The following FGF12 variants were observed in gnomAD, a reference collection of about 807,000 sequenced individuals.
The protein encoded by FGF12 is fibroblast growth factor 12, also known as fibroblast growth factor 12B.
FGF12 carries 14 observed loss-of-function variants against 23.6 expected under a neutral mutation model. That is an observed-to-expected ratio of 0.59 (90% confidence interval 0.39 to 0.93). The LOEUF is 0.93. FGF12 is among the 40% of genes least tolerant of loss of function. The pLI, the probability that FGF12 is intolerant of heterozygous loss-of-function variation, is 0.00. For missense variants in FGF12, 175 were observed against 217.8 expected (o/e 0.80, Z 1.24); for synonymous variants, 62 against 77.3 (o/e 0.80, Z 1.04).
In FGF12 at chr3:192,305,745, G is replaced by A. The variant is rs187105176; in HGVS notation, c.228+29616C>T. Among the ~76,000 whole-genome samples the A allele has an allele frequency of 2.7e-3, 391 of 146,982 alleles. 7 individuals carry two copies. The highest frequency in any genetic ancestry group is 0.024 in the Admixed American group (357 of 14,702). On this transcript the variant is annotated intron_variant, in intron 4 of 5. Transcript: ENST00000445105. ...ACTGTGTGAAAAGATCTAGAGTTAA[G>A]AGTCTTAGTTTTTGTGTCGGACACT...
intron 2 of FGF12, among the ~76,000 whole-genome samples, chr3:192,647,970 A>T (rs541198620): frequency 6.6e-6 from 1 of 152,120 alleles, no homozygotes; most frequent in South Asian, 2.1e-4. Flanking sequence ...ATCAAATGTG[A>T]TCCTCATATC....
At chr3:192,577,086 A>C (rs112305967) in intron 2 of FGF12, among the ~76,000 whole-genome samples, 4 of 152,184 alleles carry the variant, frequency 2.6e-5, no homozygotes, top group African/African-American at 7.2e-5. Context: ...GGATAGCATT[A>C]GGAGAAATAC....
At chr3:192,466,182 A>T (rs1576999670) in intron 2 of FGF12, among the ~76,000 whole-genome samples, 1 of 152,290 alleles carries the variant, frequency 6.6e-6, no homozygotes, top group Non-Finnish European at 1.5e-5. Context: ...GTATTAGTGT[A>T]TCTAAACATA....
chr3:192,714,513 A>T (rs201941308), intron 2 of FGF12, among the ~76,000 whole-genome samples: 13 of 99,754 alleles, frequency 1.3e-4, no homozygotes, highest in Admixed American at 3.7e-4. Flanking sequence ...TAAGGAAATA[A>T]TTTTTTTTTT....
intron 2 of FGF12, among the ~76,000 whole-genome samples, chr3:192,634,942 C>G (rs1715524832): frequency 6.6e-6 from 1 of 152,136 alleles, no homozygotes; most frequent in South Asian, 2.1e-4. Flanking sequence ...TCACTGCAAC[C>G]TCTGCCTCCC....
At chr3:192,185,547 T>C (rs2108639613) in intron 4 of FGF12, among the ~76,000 whole-genome samples, 1 of 152,314 alleles carries the variant, frequency 6.6e-6, no homozygotes, top group Admixed American at 6.5e-5. Context: ...ATGAATTTTT[T>C]TTTTAATTGA....
chr3:192,457,054 G>C (rs1722703231), intron 2 of FGF12, among the ~76,000 whole-genome samples: 1 of 152,134 alleles, frequency 6.6e-6, no homozygotes, highest in Non-Finnish European at 1.5e-5. Flanking sequence ...GTTTTATCAG[G>C]GGTTTCCGCT....
intron 2 of FGF12, among the ~76,000 whole-genome samples, chr3:192,675,299 G>T (rs1414070161): frequency 7.0e-6 from 1 of 143,272 alleles, no homozygotes; most frequent in Non-Finnish European, 1.5e-5. Context: ...TTCAAAGTAA[G>T]CAAAAAAAAA....
intron 2 of FGF12, among the ~76,000 whole-genome samples, chr3:192,396,684 C>G (rs1720536440): frequency 6.6e-6 from 1 of 152,194 alleles, no homozygotes; most frequent in East Asian, 1.9e-4. Context: ...CACAGTTAGT[C>G]AACCCCAAGT....
rs147463919 is a variant in FGF12 at position 192,634,179 on chromosome 3, T to A, written c.13+93002A>T. Among the ~76,000 whole-genome samples the A allele has an allele frequency of 1.1e-4, 16 of 152,210 alleles. No individual in the cohort carries two copies. The East Asian group carries it at 3.1e-3, about 29-fold the overall frequency. ...TCTCTTTCATCTTTTTCTTCCTGTA[T>A]ACACATGATGCCTACACACGTAGAT... is the stretch of plus-strand genomic sequence containing the variant. On this transcript the variant is annotated intron_variant, in intron 2 of 5. Transcript: ENST00000445105.
chr3:192,319,225 A>G (rs1716400054), intron 4 of FGF12, among the ~76,000 whole-genome samples: 1 of 152,200 alleles, frequency 6.6e-6, no homozygotes, highest in Non-Finnish European at 1.5e-5. Context: ...AAAACACAGA[A>G]TATTATAATA....
intron 2 of FGF12, among the ~76,000 whole-genome samples, chr3:192,376,272 C>G (rs1331401877): frequency 6.6e-6 from 1 of 151,680 alleles, no homozygotes; most frequent in African/African-American, 2.4e-5. Flanking sequence ...TTATTTAGAG[C>G]TTATTTTTGA....
In FGF12 at chr3:192,695,871, G is replaced by A. The variant is rs536809448; in HGVS notation, c.13+31310C>T. Among the ~76,000 whole-genome samples, 15 of 152,178 alleles carry A rather than the reference G, an allele frequency of 9.9e-5. No homozygotes were observed. In the East Asian group the frequency reaches 2.7e-3, roughly 28 times the overall value. On this transcript the variant is annotated intron_variant, in intron 2 of 5. Transcript: ENST00000445105. ...ACTAGTACTTTAGGAGGCCATGGAG[G>A]GTGGATCACTTAAGGTCAGAAGTTC...
rs937845411 is a variant in FGF12, at chr3:192,622,592, C to T, written c.13+104589G>A. Reference sequence around the variant, plus strand: ...TCTTTACTAACTAGGAGAACTTAGGCAAATCACTTAACTGTTCTGAAGCTT... The same window carrying T: ...TCTTTACTAACTAGGAGAACTTAGGTAAATCACTTAACTGTTCTGAAGCTT... On this transcript the variant is annotated intron_variant, in intron 2 of 5. Transcript: ENST00000445105. Among the ~76,000 whole-genome samples, 9 of 152,254 alleles carry T rather than the reference C, an allele frequency of 5.9e-5. No individual in the cohort carries two copies. In the East Asian group the frequency reaches 1.5e-3, roughly 26 times the overall value.
chr3:192,524,148 C>T (rs978505418), intron 2 of FGF12, among the ~76,000 whole-genome samples: 2 of 152,200 alleles, frequency 1.3e-5, no homozygotes, highest in South Asian at 2.1e-4. Context: ...AGAACCCCTG[C>T]CCCCTTCCTA....
chr3:192,638,415 A>C (rs1241740674), intron 2 of FGF12, among the ~76,000 whole-genome samples: 2 of 152,198 alleles, frequency 1.3e-5, no homozygotes, highest in African/African-American at 4.8e-5. Context: ...AATTGTGTAA[A>C]GCTTTAAGAG....
intron 2 of FGF12, among the ~76,000 whole-genome samples, chr3:192,496,502 C>T (rs548469223): frequency 6.6e-6 from 1 of 152,218 alleles, no homozygotes; most frequent in East Asian, 1.9e-4. Flanking sequence ...ATCTCATCAG[C>T]ATATAAATAT....
chr3:192,379,478 T>C (rs76527486), intron 2 of FGF12, among the ~76,000 whole-genome samples: 2,050 of 149,382 alleles, frequency 0.014, 43 homozygotes, highest in African/African-American at 0.047. Flanking sequence ...TACTCTGTTA[T>C]CTTCAACAAT....
chr3:192,164,762 C>A (rs530691910), intron 5 of FGF12, among the ~76,000 whole-genome samples: 1 of 152,196 alleles, frequency 6.6e-6, no homozygotes, highest in African/African-American at 2.4e-5. Context: ...TACCATTGGA[C>A]TTACAGGGTT....
Sources: allele counts gnomAD v4.1 joint callset (sites outside exome capture counted in the v4.1 genomes callset), GRCh38; gene constraint gnomAD v4.1.1; transcripts MANE v1.5; gene names NCBI Gene and HGNC (gene_info 2026-07-23, HGNC 2026-07-21).